LRMDA: variants seen among roughly 807,000 people sequenced by gnomAD.
LRMDA encodes the protein leucine-rich melanocyte differentiation-associated protein.
A neutral mutation model predicts 29.8 loss-of-function variants in LRMDA; 18 were observed. That is an observed-to-expected ratio of 0.60 (90% CI 0.42 to 0.90). The LOEUF (loss-of-function observed/expected upper bound fraction) is 0.90. Among genes scored for constraint, LRMDA ranks in the 40% least tolerant of loss-of-function variants. LRMDA has a pLI of 0.00. For missense variants in LRMDA, 273 were observed against 273.9 expected (o/e 1.00, Z 0.02); for synonymous variants, 125 against 109.4 (o/e 1.14, Z -0.89).
intron 6 of LRMDA, among the ~76,000 whole-genome samples, chr10:76,458,479 C>A (rs1373364698): frequency 1.3e-5 from 2 of 152,182 alleles, no homozygotes; most frequent in Non-Finnish European, 2.9e-5. Flanking sequence ...ATTTGGCCAT[C>A]GTACTGCTAT....
At chr10:76,460,197 G>A (rs1303605224) in intron 6 of LRMDA, among the ~76,000 whole-genome samples, 1 of 152,170 alleles carries the variant, frequency 6.6e-6, no homozygotes, top group Non-Finnish European at 1.5e-5. Flanking sequence ...TGTCAGGAGA[G>A]CTTTGAAAAA....
At chr10:76,329,354 C>T (rs963905118) in intron 6 of LRMDA, among the ~76,000 whole-genome samples, 11 of 152,172 alleles carry the variant, frequency 7.2e-5, no homozygotes, top group Admixed American at 6.5e-5. Context: ...CTTGTCTGCA[C>T]GCACATTTTG....
At position 75,690,453 on chromosome 10, in the gene LRMDA, T is replaced by G. The variant is rs563033394; in HGVS notation, c.131+251959T>G. On this transcript the variant is annotated intron_variant, in intron 2 of 6. Transcript: ENST00000611255. ...CCAGGCAGCTGGGACTATAGGTGCA[T>G]GCCACCATGCCAAGCTAATTTTATA... Among the ~76,000 whole-genome samples the G allele has an allele frequency of 8.5e-5, 13 of 152,252 alleles. No individual in the cohort carries two copies. The East Asian group carries it at 2.5e-3, about 29-fold the overall frequency.
chr10:76,244,810 T>G (rs1429132532), intron 5 of LRMDA, among the ~76,000 whole-genome samples: 1 of 152,130 alleles, frequency 6.6e-6, no homozygotes, highest in Non-Finnish European at 1.5e-5. Context: ...GGGAAGTCAG[T>G]GTGGGAATTT....
At chr10:76,475,657 CTCCTCAG>C (rs1233435005) in intron 6 of LRMDA, among the ~76,000 whole-genome samples, 2 of 152,204 alleles carry the variant, frequency 1.3e-5, no homozygotes, top group East Asian at 3.9e-4. Flanking sequence ...AAGTAAAGCA[CTCCTCAG>C]CAAATGTAAA....
At chr10:75,484,337 A>AC (rs898968369) in intron 2 of LRMDA, among the ~76,000 whole-genome samples, 2 of 149,880 alleles carry the variant, frequency 1.3e-5, no homozygotes, top group Non-Finnish European at 3.0e-5. Context: ...CCTCTTAAAA[A>AC]CCCCCCCTTA....
intron 6 of LRMDA, among the ~76,000 whole-genome samples, chr10:76,465,878 T>C (rs1842560149): frequency 6.6e-6 from 1 of 152,138 alleles, no homozygotes; most frequent in African/African-American, 2.4e-5. Context: ...GTCTTCCCTC[T>C]GTGCCTGTCT....
chr10:75,656,794 C>T (rs749443268), intron 2 of LRMDA, among the ~76,000 whole-genome samples: 16 of 152,058 alleles, frequency 1.1e-4, no homozygotes, highest in South Asian at 4.1e-4. Context: ...TATCACCATC[C>T]GGAATAATGT....
intron 2 of LRMDA, among the ~76,000 whole-genome samples, chr10:75,942,708 AT>A (rs1846412491): frequency 6.6e-6 from 1 of 152,140 alleles, no homozygotes; most frequent in South Asian, 2.1e-4. Flanking sequence ...TAATGTGCTG[AT>A]GAGGGATGCT....
intron 2 of LRMDA, among the ~76,000 whole-genome samples, chr10:75,971,783 T>C (rs1184685175): frequency 6.6e-6 from 1 of 152,150 alleles, no homozygotes; most frequent in Non-Finnish European, 1.5e-5. Context: ...GTGGGTGAGA[T>C]TGGGAATCTG....
intron 5 of LRMDA, among the ~76,000 whole-genome samples, chr10:76,143,698 T>G (rs187308118): frequency 3.7e-4 from 57 of 152,360 alleles, no homozygotes; most frequent in African/African-American, 1.3e-3. Flanking sequence ...TGAGTTTAAT[T>G]AGATCCCATT....
chr10:75,475,478 C>T (rs779327166), intron 2 of LRMDA, among the ~76,000 whole-genome samples: 7 of 152,070 alleles, frequency 4.6e-5, no homozygotes, highest in Non-Finnish European at 7.4e-5. Context: ...GGACTGCTTC[C>T]GAGAGATAAT....
At chr10:75,641,975 T>C (rs1262995150) in intron 2 of LRMDA, among the ~76,000 whole-genome samples, 1 of 152,176 alleles carries the variant, frequency 6.6e-6, no homozygotes, top group Non-Finnish European at 1.5e-5. Context: ...AGAGAAAGTG[T>C]ATTGTACTCA....
intron 2 of LRMDA, among the ~76,000 whole-genome samples, chr10:75,672,537 TCC>T (rs1841906788): frequency 5.1e-4 from 2 of 3,924 alleles, no homozygotes; most frequent in African/African-American, 1.8e-3. Flanking sequence ...TCCCCTCCCC[TCC>T]CCTCCCCTCC....
chr10:76,221,045 GA>G (rs1214835883), intron 5 of LRMDA, among the ~76,000 whole-genome samples: 9 of 152,032 alleles, frequency 5.9e-5, no homozygotes, highest in Non-Finnish European at 1.3e-4. Context: ...AATAGATGCA[GA>G]AAAGGCGTTT....
intron 2 of LRMDA, among the ~76,000 whole-genome samples, chr10:75,814,427 G>T (rs1419851750): frequency 1.3e-5 from 2 of 152,136 alleles, no homozygotes; most frequent in Non-Finnish European, 2.9e-5. Flanking sequence ...ATAAACACTT[G>T]TAGCATACAT....
chr10:76,264,057 A>G (rs934028562), intron 5 of LRMDA, among the ~76,000 whole-genome samples: 9 of 152,066 alleles, frequency 5.9e-5, no homozygotes, highest in Non-Finnish European at 1.2e-4. Context: ...TTTACTTTTT[A>G]TTCCCCCTTT....
At chr10:75,786,497 G>T (rs575699836) in intron 2 of LRMDA, among the ~76,000 whole-genome samples, 116 of 151,842 alleles carry the variant, frequency 7.6e-4, no homozygotes, top group Non-Finnish European at 1.5e-3. Flanking sequence ...TGTTTTTATT[G>T]TTCATTGGAA....
chr10:75,692,823 C>T (rs1228614429), intron 2 of LRMDA, among the ~76,000 whole-genome samples: 1 of 152,000 alleles, frequency 6.6e-6, no homozygotes, highest in Non-Finnish European at 1.5e-5. Context: ...ACCAGAATGC[C>T]ACGTGTGTGT....
Sources: allele counts gnomAD v4.1 joint callset (sites outside exome capture counted in the v4.1 genomes callset), GRCh38; gene constraint gnomAD v4.1.1; transcripts MANE v1.5; gene names NCBI Gene and HGNC (gene_info 2026-07-23, HGNC 2026-07-21).